Variants in DACH2 observed in about 807,000 individuals in gnomAD.
The protein encoded by DACH2 is dachshund family transcription factor 2.
A neutral mutation model predicts 35.8 loss-of-function variants in DACH2; 17 were observed. The observed-to-expected ratio is 0.48, with a 90% confidence interval of 0.33 to 0.71. DACH2 has a LOEUF of 0.71. DACH2 is among the 30% of genes least tolerant of loss of function. The pLI is 0.02. For missense variants in DACH2, 469 were observed against 472.7 expected (o/e 0.99, Z 0.07); for synonymous variants, 195 against 177.3 (o/e 1.10, Z -0.79).
At chrX:86,805,084 C>T (rs945119837) in intron 7 of DACH2, among the ~76,000 whole-genome samples, 6 of 112,526 alleles carry the variant, frequency 5.3e-5, no homozygotes, top group Non-Finnish European at 1.1e-4. Flanking sequence ...CCATATTTCC[C>T]TTCTGCTCTG....
chrX:86,581,885 T>C (rs989911109), intron 3 of DACH2, among the ~76,000 whole-genome samples: 2 of 111,013 alleles, frequency 1.8e-5, no homozygotes, highest in African/African-American at 6.5e-5. Flanking sequence ...ACTTGACCAA[T>C]AAGCCTACCC....
At chrX:86,364,027 A>T (rs2035773141) in intron 1 of DACH2, among the ~76,000 whole-genome samples, 1 of 111,840 alleles carries the variant, frequency 8.9e-6, no homozygotes, top group Non-Finnish European at 1.9e-5. Context: ...GATGCTTTAA[A>T]AGAAAGCCAA....
At chrX:86,772,396 A>T (rs1000380611) in intron 7 of DACH2, among the ~76,000 whole-genome samples, 10 of 111,096 alleles carry the variant, frequency 9.0e-5, no homozygotes, top group Admixed American at 7.7e-4. Context: ...TTTATTTTTT[A>T]TTGCTCCCAA....
chrX:86,168,836 A>C (rs1365941128), intron 1 of DACH2, among the ~76,000 whole-genome samples: 1 of 108,739 alleles, frequency 9.2e-6, no homozygotes, highest in Non-Finnish European at 1.9e-5. Flanking sequence ...TTTTCTATTT[A>C]TATTTTATTG....
chrX:86,205,132 T>C (rs1273045779), intron 1 of DACH2, among the ~76,000 whole-genome samples: 2 of 111,764 alleles, frequency 1.8e-5, no homozygotes, highest in Non-Finnish European at 3.8e-5. Context: ...TCCAAACATG[T>C]TCACATCTTA....
chrX:86,723,962 T>G (rs2041436877), intron 6 of DACH2, among the ~76,000 whole-genome samples: 1 of 111,592 alleles, frequency 9.0e-6, no homozygotes, highest in African/African-American at 3.3e-5. Flanking sequence ...TGATTTTCAT[T>G]TGCATGAAAT....
At chrX:86,160,206 G>A (rs1459965099) in intron 1 of DACH2, 2 of 1,156,454 alleles carry the variant, frequency 1.7e-6, no homozygotes, top group African/African-American at 3.6e-5. Context: ...ATTAAGACTA[G>A]GGTGGCAGGT....
intron 4 of DACH2, among the ~76,000 whole-genome samples, chrX:86,657,812 T>C (rs1031540405): frequency 2.7e-5 from 3 of 111,483 alleles, no homozygotes; most frequent in African/African-American, 9.7e-5. Context: ...GAAGGCAAAA[T>C]ATGACAGATA....
At chrX:86,535,271 C>A (rs779850241) in intron 3 of DACH2, among the ~76,000 whole-genome samples, 2 of 111,574 alleles carry the variant, frequency 1.8e-5, no homozygotes, top group South Asian at 7.4e-4. Context: ...TCCTTGCCTT[C>A]AAAGAACTGG....
chrX:86,666,361 G>A (rs1460191403), intron 4 of DACH2, among the ~76,000 whole-genome samples: 2 of 110,556 alleles, frequency 1.8e-5, no homozygotes. Flanking sequence ...AAGTGCTGAA[G>A]CACCTGCATC....
chrX:86,321,356 A>G (rs1422462441), intron 1 of DACH2, among the ~76,000 whole-genome samples: 6 of 111,723 alleles, frequency 5.4e-5, no homozygotes, highest in Admixed American at 9.5e-5. Flanking sequence ...TGAGGAATGA[A>G]CCTTTTCTTT....
intron 2 of DACH2, among the ~76,000 whole-genome samples, chrX:86,465,733 T>C (rs2037654822): frequency 8.9e-6 from 1 of 112,067 alleles, no homozygotes; most frequent in Admixed American, 9.5e-5. Context: ...AAGAGTCTTG[T>C]AGTTGGAATT....
intron 5 of DACH2, among the ~76,000 whole-genome samples, chrX:86,700,246 G>C (rs1475251225): frequency 2.7e-5 from 3 of 111,232 alleles, no homozygotes; most frequent in Non-Finnish European, 5.7e-5. Flanking sequence ...TCTTTGGTTG[G>C]AGAGTTCTGT....
chrX:86,533,037 T>TTATATTTATTTATTTATTTATTTA (rs1556297863), intron 3 of DACH2, among the ~76,000 whole-genome samples: 5 of 111,121 alleles, frequency 4.5e-5, no homozygotes, highest in Non-Finnish European at 7.6e-5. Context: ...ACTTACATTG[T>TTATATTTATTTATTTATTTATTTA]TTTATTTATT....
At chrX:86,150,837 A>C (rs1397560678) in intron 1 of DACH2, among the ~76,000 whole-genome samples, 4 of 111,841 alleles carry the variant, frequency 3.6e-5, no homozygotes, top group Admixed American at 9.5e-5. Context: ...AAAAACACTC[A>C]AACATTTAAA....
At chrX:86,533,491 A>G (rs924629464) in intron 3 of DACH2, among the ~76,000 whole-genome samples, 6 of 111,320 alleles carry the variant, frequency 5.4e-5, no homozygotes, top group Non-Finnish European at 9.4e-5. Flanking sequence ...TTCTTCATAT[A>G]TCTCTTACTC....
intron 7 of DACH2, among the ~76,000 whole-genome samples, chrX:86,789,430 A>G (rs1319988934): frequency 8.9e-6 from 1 of 112,367 alleles, no homozygotes; most frequent in Non-Finnish European, 1.9e-5. Context: ...CAACCTCTTG[A>G]AACCATTAAA....
intron 1 of DACH2, among the ~76,000 whole-genome samples, chrX:86,327,869 G>T (rs752437400): frequency 9.0e-6 from 1 of 111,383 alleles, no homozygotes; most frequent in Middle Eastern, 4.7e-3. Context: ...TCACCTCCAT[G>T]ACTTTAAAGG....
chrX:86,313,167 TATATC>T (rs1343544461), intron 1 of DACH2, among the ~76,000 whole-genome samples: 2 of 111,306 alleles, frequency 1.8e-5, no homozygotes, highest in African/African-American at 6.5e-5. Context: ...CTTGTACTAT[TATATC>T]AGTTATAATA....
Sources: gnomAD v4.1 joint callset for allele counts (sites outside exome capture counted in the v4.1 genomes callset) on GRCh38, gnomAD v4.1.1 for gene constraint, MANE v1.5 for transcripts, NCBI Gene and HGNC (gene_info 2026-07-23, HGNC 2026-07-21) for gene names.